The following SRGAP2 variants were observed in gnomAD, a reference collection of about 807,000 sequenced individuals.
SRGAP2 encodes the protein SLIT-ROBO Rho GTPase activating protein 2.
SRGAP2 carries 15 observed loss-of-function variants against 57.2 expected under a neutral mutation model. The ratio of observed to expected loss-of-function variants is 0.26; its 90% confidence interval spans 0.18 to 0.40. SRGAP2 has a LOEUF of 0.40. Ranked by LOEUF, SRGAP2 falls within the 10% of genes least tolerant of loss-of-function variation. The pLI, the probability that SRGAP2 is intolerant of heterozygous loss-of-function variation, is 1.00. For synonymous variants in SRGAP2, 249 were observed against 248.0 expected (o/e 1.00, Z -0.04); for missense variants, 520 against 669.6 (o/e 0.78, Z 2.47).
At chr1:206,420,214 T>C (rs1347271433) in intron 12 of SRGAP2, among the ~76,000 whole-genome samples, 2 of 152,222 alleles carry the variant, frequency 1.3e-5, no homozygotes, top group African/African-American at 4.8e-5. Context: ...CCATTTACAA[T>C]TATAGGTTCA....
intron 2 of SRGAP2, among the ~76,000 whole-genome samples, chr1:206,240,718 G>A (rs1219339486): frequency 6.6e-6 from 1 of 152,156 alleles, no homozygotes; most frequent in Non-Finnish European, 1.5e-5. Flanking sequence ...CAGAAGTGAG[G>A]AAACTAAGGC....
intron 3 of SRGAP2, among the ~76,000 whole-genome samples, chr1:206,314,008 AAAAG>A (rs1672865030): frequency 6.6e-6 from 1 of 151,890 alleles, no homozygotes; most frequent in Admixed American, 6.6e-5. Context: ...TGGAAGCCAT[AAAAG>A]AAAGAGGTCT....
At chr1:206,357,569 T>A (rs1385021379) in intron 4 of SRGAP2, among the ~76,000 whole-genome samples, 2 of 150,414 alleles carry the variant, frequency 1.3e-5, no homozygotes, top group African/African-American at 4.9e-5. Context: ...TTATGGTTCT[T>A]TGGCTATGTT....
chr1:206,365,945 A>G (rs1558351949), intron 4 of SRGAP2, among the ~76,000 whole-genome samples: 1 of 151,978 alleles, frequency 6.6e-6, no homozygotes, highest in Non-Finnish European at 1.5e-5. Context: ...ACTAGGAGAA[A>G]AAGGACAGGC....
intron 18 of SRGAP2, among the ~76,000 whole-genome samples, chr1:206,448,411 G>A (rs1352084037): frequency 6.6e-6 from 1 of 152,142 alleles, no homozygotes; most frequent in African/African-American, 2.4e-5. Context: ...TCTGGTGGGT[G>A]CACAAGAGCA....
chr1:206,227,255 G>T (rs572708534), intron 2 of SRGAP2, among the ~76,000 whole-genome samples: 1,755 of 152,008 alleles, frequency 0.012, 37 homozygotes, highest in African/African-American at 0.04. Context: ...CTAGCAGAGT[G>T]CTTAGCATAT....
At position 206,463,810 on chromosome 1, in the gene SRGAP2, A is replaced by G. The variant is rs1430688614; in HGVS notation, c.*2390A>G. 6.6e-6 allele frequency: 1 copy of G among 152,638 alleles called. No homozygotes were observed. Among genetic ancestry groups the G allele is most frequent in the Non-Finnish European group, 1.5e-5 (1 of 68,050 alleles). The allele number at this position is 152,638 out of a possible 1,614,324, so 9.5% of individuals were successfully genotyped here. ...AGGAGAGTCCTTCTCGGCAGAGCTC[A>G]CTGCAAACAACTGGAATTGAGGTTG... On this transcript the variant is annotated 3_prime_UTR_variant, in exon 23 of 23. Transcript: ENST00000573034.
intron 2 of SRGAP2, among the ~76,000 whole-genome samples, chr1:206,303,027 T>G (rs1199548829): frequency 6.1e-5 from 7 of 114,586 alleles, no homozygotes; most frequent in Non-Finnish European, 1.0e-4. Flanking sequence ...ATGTTATTAT[T>G]TTTAATAAGC....
chr1:206,313,531 G>A (rs1485818338), intron 3 of SRGAP2, among the ~76,000 whole-genome samples: 2 of 149,514 alleles, frequency 1.3e-5, no homozygotes, highest in African/African-American at 2.5e-5. Context: ...GCACTTTTGA[G>A]GTACAGTGAG....
intron 4 of SRGAP2, among the ~76,000 whole-genome samples, chr1:206,376,285 T>TA (rs1553344655): frequency 6.6e-6 from 1 of 151,452 alleles, no homozygotes; most frequent in African/African-American, 2.4e-5. Flanking sequence ...AATTATTTCT[T>TA]ACAGAGTCAT....
At chr1:206,220,628 A>G (rs1213398546) in intron 2 of SRGAP2, among the ~76,000 whole-genome samples, 1 of 152,166 alleles carries the variant, frequency 6.6e-6, no homozygotes, top group African/African-American at 2.4e-5. Context: ...CAGTGACCCA[A>G]TCTATAAATG....
At chr1:206,322,599 G>A (rs1571854236) in intron 3 of SRGAP2, among the ~76,000 whole-genome samples, 1 of 126,836 alleles carries the variant, frequency 7.9e-6, no homozygotes. Flanking sequence ...AAAAAAAAAA[G>A]AATTACTAAC....
chr1:206,221,100 C>G (rs1195891770), intron 2 of SRGAP2, among the ~76,000 whole-genome samples: 1 of 148,088 alleles, frequency 6.8e-6, no homozygotes, highest in African/African-American at 2.6e-5. Context: ...TGCCACCACG[C>G]CTGGCTAATT....
chr1:206,456,911 C>T (rs1553378673), intron 21 of SRGAP2, among the ~76,000 whole-genome samples: 1 of 152,234 alleles, frequency 6.6e-6, no homozygotes, highest in African/African-American at 2.4e-5. Flanking sequence ...CTCCTCATCT[C>T]CCTTCAAGAC....
At chr1:206,366,441 T>C (rs1199747600) in intron 4 of SRGAP2, among the ~76,000 whole-genome samples, 1 of 152,004 alleles carries the variant, frequency 6.6e-6, no homozygotes, top group Non-Finnish European at 1.5e-5. Context: ...TCTCGTTAAA[T>C]ATGGCCGTGA....
At chr1:206,361,332 T>C (rs1203556234) in intron 4 of SRGAP2, among the ~76,000 whole-genome samples, 1 of 151,098 alleles carries the variant, frequency 6.6e-6, no homozygotes, top group Admixed American at 6.6e-5. Flanking sequence ...AGACAGAGAA[T>C]TAAAAACAAA....
intron 7 of SRGAP2, among the ~76,000 whole-genome samples, chr1:206,397,767 C>T (rs1303734921): frequency 1.4e-5 from 2 of 139,236 alleles, no homozygotes; most frequent in Non-Finnish European, 3.0e-5. Context: ...GAATGAAGAA[C>T]AGGGCATTGT....
At chr1:206,242,023 A>C (rs1485461002) in intron 2 of SRGAP2, among the ~76,000 whole-genome samples, 1 of 144,484 alleles carries the variant, frequency 6.9e-6, no homozygotes, top group Non-Finnish European at 1.5e-5. Flanking sequence ...CTTTAATTCA[A>C]CATTTAATTA....
chr1:206,303,449 G>A lies in SRGAP2; in HGVS notation c.236G>A (p.Arg79His), dbSNP rs1671988302. 3.9e-6 allele frequency: 6 copies of A among 1,544,512 alleles called. No homozygotes were observed. The highest frequency in any genetic ancestry group is 2.0e-5 in the Admixed American group (1 of 50,018). The change falls in exon 3 of 23, where the codon CGC (arginine) becomes CAC (histidine). Residue 79 changes from arginine (R) to histidine (H), a missense_variant. Transcript: ENST00000573034. ...KLAERFLAKTRSTKDQQFKKD... is the reference protein window; with the variant it reads ...KLAERFLAKTHSTKDQQFKKD... ...GCAGAACGCTTCCTGGCCAAGACAC[G>A]CAGCACCAAGGACCAGCAATTCAAG...
Sources: allele counts gnomAD v4.1 joint callset (sites outside exome capture counted in the v4.1 genomes callset), GRCh38; gene constraint gnomAD v4.1.1; transcripts MANE v1.5; gene names NCBI Gene and HGNC (gene_info 2026-07-23, HGNC 2026-07-21).